PCDHGB3: variants seen among roughly 807,000 people sequenced by gnomAD.
PCDHGB3 encodes the protein protocadherin gamma subfamily B, 3, also known as protocadherin gamma-B3.
A neutral mutation model predicts 59.2 loss-of-function variants in PCDHGB3; 40 were observed. The ratio of observed to expected loss-of-function variants is 0.68; its 90% CI spans 0.52 to 0.88. PCDHGB3 has a LOEUF of 0.88. Among genes scored for constraint, PCDHGB3 ranks in the 40% least tolerant of loss-of-function variants. The pLI is 0.00. For synonymous variants in PCDHGB3, 581 were observed against 503.6 expected (o/e 1.15, Z -2.06); for missense variants, 1,309 against 1,187.9 (o/e 1.10, Z -1.50).
At chr5:141,453,014 G>A (rs2098753820) in intron 1 of PCDHGB3, among the ~76,000 whole-genome samples, 1 of 152,206 alleles carries the variant, frequency 6.6e-6, no homozygotes, top group Non-Finnish European at 1.5e-5. Flanking sequence ...GTATAGTTAT[G>A]TGATTCATTA....
chr5:141,433,742 C>T lies in PCDHGB3; in HGVS notation c.2415+60933C>T, dbSNP rs927651405. 2.6e-5 allele frequency among the ~76,000 whole-genome samples: 4 copies of T among 150,944 alleles called. No homozygotes were observed. The East Asian group carries it at 7.9e-4, about 30-fold the overall frequency. On this transcript the variant is annotated intron_variant, in intron 1 of 3. Coordinates refer to ENST00000576222, the MANE Select transcript of PCDHGB3 (RefSeq NM_018924.5). Reference sequence around the variant, plus strand: ...ATCCCAGCTACTTGGGAGGCTGAGTCAGGAGAATTGCTTTAACCTGGGAGG... The same window carrying T: ...ATCCCAGCTACTTGGGAGGCTGAGTTAGGAGAATTGCTTTAACCTGGGAGG...
chr5:141,462,597 T>C (rs182073985), intron 1 of PCDHGB3, among the ~76,000 whole-genome samples: 1 of 152,320 alleles, frequency 6.6e-6, no homozygotes, highest in East Asian at 1.9e-4. Context: ...TTCCATTTCA[T>C]ATATTGTATT....
chr5:141,421,530 C>T (rs377652360), intron 1 of PCDHGB3: 274 of 1,613,922 alleles, frequency 1.7e-4, no homozygotes, highest in Non-Finnish European at 2.3e-4. Flanking sequence ...AGACGGTGTC[C>T]TCCTGTTTTT....
chr5:141,484,930 G>A (rs992641330), intron 1 of PCDHGB3: 2 of 501,452 alleles, frequency 4.0e-6, no homozygotes, highest in South Asian at 2.6e-5. Flanking sequence ...CTGCTGTTGG[G>A]ACGTTCTCTG....
At chr5:141,494,215 G>T (rs984086536) in intron 1 of PCDHGB3, among the ~76,000 whole-genome samples, 2 of 152,200 alleles carry the variant, frequency 1.3e-5, no homozygotes, top group Non-Finnish European at 2.9e-5. Context: ...GCCCAATCTG[G>T]CATGACTCCT....
At chr5:141,412,939 C>G in intron 1 of PCDHGB3, 1 of 461,988 alleles carries the variant, frequency 2.2e-6, no homozygotes, top group Non-Finnish European at 3.8e-6. Context: ...TCTTAGGACT[C>G]TGAGCGCCGC....
At chr5:141,394,992 G>T (rs1392246245) in intron 1 of PCDHGB3, 50 of 1,614,044 alleles carry the variant, frequency 3.1e-5, no homozygotes, top group Non-Finnish European at 4.2e-5. Context: ...CCTGCTCCAG[G>T]ATTCCGGTGG....
intron 1 of PCDHGB3, chr5:141,393,162 T>C (rs771570808): frequency 3.1e-6 from 5 of 1,613,142 alleles, no homozygotes; most frequent in Admixed American, 1.7e-5. Context: ...AGGAAAACTC[T>C]TTGGGGTAGA....
intron 1 of PCDHGB3, chr5:141,413,792 G>C (rs1390056342): frequency 6.2e-7 from 1 of 1,613,134 alleles, no homozygotes; most frequent in South Asian, 1.1e-5. Context: ...TCCCTAGATC[G>C]CGAGGAAGAG....
At chr5:141,464,556 G>A (rs1158827360) in intron 1 of PCDHGB3, among the ~76,000 whole-genome samples, 4 of 151,990 alleles carry the variant, frequency 2.6e-5, no homozygotes, top group Admixed American at 6.6e-5. Flanking sequence ...TCCCCATCTT[G>A]CATTCCTACA....
chr5:141,434,621 G>A (rs980508411), intron 1 of PCDHGB3, among the ~76,000 whole-genome samples: 1 of 151,966 alleles, frequency 6.6e-6, no homozygotes, highest in Non-Finnish European at 1.5e-5. Flanking sequence ...CCATCTCTTC[G>A]TTTCCCATAA....
intron 1 of PCDHGB3, among the ~76,000 whole-genome samples, chr5:141,482,800 G>A (rs10052648): frequency 7.6e-6 from 1 of 130,764 alleles, no homozygotes; most frequent in South Asian, 2.2e-4. Flanking sequence ...GGCCGGGTAC[G>A]GTGGCTCATG....
chr5:141,389,152 C>T (rs1176301501), intron 1 of PCDHGB3: 2 of 1,614,022 alleles, frequency 1.2e-6, no homozygotes, highest in South Asian at 2.2e-5. Flanking sequence ...GTTACGGCAA[C>T]AGATCGGGGC....
At position 141,489,632 on chromosome 5, in the gene PCDHGB3, C is replaced by T; in HGVS notation, c.2416-5175C>T. 6.2e-7 allele frequency: 1 copy of T among 1,614,138 alleles called. No homozygotes were observed. Among genetic ancestry groups the T allele is most frequent in the Non-Finnish European group, 8.5e-7 (1 of 1,180,010 alleles). Reference sequence around the variant, plus strand: ...ATCCTGGATCTCAATGACAACTCTCCTAGCTTTGCCACCCCTGAGCGAGAG... The same window carrying T: ...ATCCTGGATCTCAATGACAACTCTCTTAGCTTTGCCACCCCTGAGCGAGAG... On this transcript the variant is annotated intron_variant, in intron 1 of 3. Transcript: ENST00000576222. The surrounding 1 kb of genome is among the most constrained non-coding windows in gnomAD (Gnocchi z 4.5).
At chr5:141,393,147 G>A in intron 1 of PCDHGB3, 2 of 1,613,298 alleles carry the variant, frequency 1.2e-6, no homozygotes, top group Non-Finnish European at 1.7e-6. Flanking sequence ...CCTGGTTGAG[G>A]ATAAAGGAAA....
At chr5:141,506,649 T>C (rs1487823663) in intron 3 of PCDHGB3, among the ~76,000 whole-genome samples, 1 of 152,114 alleles carries the variant, frequency 6.6e-6, no homozygotes, top group Admixed American at 6.6e-5. Context: ...CAGCACAGGA[T>C]TGGCAGAGAG....
intron 1 of PCDHGB3, chr5:141,413,586 C>G (rs2095657085): frequency 2.5e-6 from 4 of 1,613,724 alleles, no homozygotes; most frequent in Admixed American, 1.7e-5. Context: ...CTCCAAAATT[C>G]CAAGCAGAAA....
chr5:141,439,310 A>G lies in PCDHGB3; in HGVS notation c.2416-55497A>G, dbSNP rs775009481. ...TCCATGGAAAAAGTAAAGCCCAGGCATGGAAGTGGGAATGGAAAGAAAGAT... is the reference window on the plus strand; with the variant it reads ...TCCATGGAAAAAGTAAAGCCCAGGCGTGGAAGTGGGAATGGAAAGAAAGAT... On this transcript the variant is annotated intron_variant, in intron 1 of 3. Transcript: ENST00000576222. 1.6e-4 allele frequency among the ~76,000 whole-genome samples: 24 copies of G among 152,320 alleles called. No homozygotes were observed. In the South Asian group the frequency reaches 4.1e-3, roughly 26 times the overall value.
intron 1 of PCDHGB3, among the ~76,000 whole-genome samples, chr5:141,466,884 T>G (rs901947336): frequency 2.6e-5 from 4 of 152,212 alleles, no homozygotes; most frequent in Admixed American, 1.3e-4. Flanking sequence ...TTTCATAATA[T>G]GCATTTTCCA....
Sources: allele counts gnomAD v4.1 joint callset (sites outside exome capture counted in the v4.1 genomes callset), GRCh38; gene constraint gnomAD v4.1.1; non-coding constraint Gnocchi (gnomAD v3.1); transcripts MANE v1.5; gene names NCBI Gene and HGNC (gene_info 2026-07-23, HGNC 2026-07-21).